ZNF212: variants seen among roughly 807,000 people sequenced by gnomAD.
ZNF212 encodes Zinc finger protein C2H2-150.
A neutral mutation model predicts 47.3 loss-of-function variants in ZNF212; 32 were observed. The observed-to-expected ratio is 0.68, with a 90% CI of 0.51 to 0.91. The LOEUF (loss-of-function observed/expected upper bound fraction) is 0.91, where lower values mean the gene tolerates loss of function less well. Ranked by LOEUF, ZNF212 falls within the 40% of genes least tolerant of loss-of-function variation. The pLI is 0.00. For synonymous variants in ZNF212, 242 were observed against 253.8 expected (o/e 0.95, Z 0.44); for missense variants, 555 against 622.8 (o/e 0.89, Z 1.16).
Position 149,239,814 on chromosome 7 carries a change from C to G in ZNF212, c.24+12C>G, listed in dbSNP as rs781463235. The G allele has an allele frequency of 7.9e-7, 1 of 1,273,480 alleles. No individual in the cohort carries two copies. Among genetic ancestry groups the G allele is most frequent in the East Asian group, 3.0e-5 (1 of 33,270 alleles). 78.9% of individuals were successfully genotyped at this position (1,273,480 alleles called of 1,614,324 possible). On this transcript the variant is annotated intron_variant, in intron 1 of 4. Coordinates refer to ENST00000335870, the MANE Select transcript of ZNF212 (RefSeq NM_012256.4). ...CGGCGCCTGCTCGGGTAAAGAGGCACCGGCGCGCTGGCTCGAGGGCGCGTT... is the reference window on the plus strand; with the variant it reads ...CGGCGCCTGCTCGGGTAAAGAGGCAGCGGCGCGCTGGCTCGAGGGCGCGTT...
At chr7:149,253,242 G>A (rs774122964) in intron 4 of ZNF212, among the ~76,000 whole-genome samples, 2 of 152,142 alleles carry the variant, frequency 1.3e-5, no homozygotes, top group Non-Finnish European at 2.9e-5. Flanking sequence ...ACTCTTAATT[G>A]AGTATAGTTG....
At position 149,253,598 on chromosome 7, in the gene ZNF212, A is replaced by G; in HGVS notation, c.671A>G (p.Gln224Arg). The G allele has an allele frequency of 6.2e-7, 1 of 1,613,662 alleles. No homozygotes were observed. Among genetic ancestry groups the G allele is most frequent in the Non-Finnish European group, 8.5e-7 (1 of 1,179,622 alleles). The change falls in exon 5 of 5, where the codon CAG becomes CGG. Residue 224 changes from glutamine to arginine, a missense_variant. Gln to Arg is a conservative substitution (Grantham distance 43, BLOSUM62 1). Coordinates refer to ENST00000335870, the MANE Select transcript of ZNF212 (RefSeq NM_012256.4). ...VMIKQELQYT[Q>R]EGPADLPGEF... The stretch of plus-strand genomic sequence containing the variant: ...ATCAAACAGGAGCTACAGTATACAC[A>G]GGAAGGCCCTGCGGATCTTCCTGGA...
Position 149,250,341 on chromosome 7 carries a change from G to A in ZNF212, c.207G>A (p.Thr69=), listed in dbSNP as rs773405375. 7 of 1,614,040 alleles carry A rather than the reference G, an allele frequency of 4.3e-6. No individual in the cohort carries two copies. Among genetic ancestry groups the A allele is most frequent in the East Asian group, 4.5e-5 (2 of 44,884 alleles). Residue 69 remains threonine (T), a synonymous_variant, in exon 2 of 5, where the codon ACG becomes ACA. Coordinates refer to ENST00000335870, the MANE Select transcript of ZNF212 (RefSeq NM_012256.4). Reference sequence around the variant, plus strand: ...GGCTACAGAGCCTGGAGGGGCGCACGGGGACAGCCGAGAAGAAGCTGGCTG... The same window carrying A: ...GGCTACAGAGCCTGGAGGGGCGCACAGGGACAGCCGAGAAGAAGCTGGCTG... The part of the protein sequence containing the change: ...AARLQSLEGR[T]GTAEKKLADC...
rs11976191 is a variant in ZNF212, at chr7:149,239,979, T to C, written c.24+177T>C. On this transcript the variant is annotated intron_variant, in intron 1 of 4. Coordinates refer to ENST00000335870, the MANE Select transcript of ZNF212 (RefSeq NM_012256.4). ...CCCCAGTGCTCTGCCCTTTTTTCCC[T>C]CCGCTTCCTTCTGCAGCGGGGTCGG... 8.2e-3 allele frequency: 5,805 copies of C among 707,742 alleles called. 278 individuals carry two copies. In the African/African-American group the frequency reaches 0.096, roughly 12 times the overall value. 43.8% of individuals were successfully genotyped at this position (707,742 alleles called of 1,614,324 possible).
chr7:149,239,929 T>A (rs1394893752), intron 1 of ZNF212, 127 bp downstream of exon 1: 11 of 1,111,908 alleles, frequency 9.9e-6, no homozygotes, highest in Non-Finnish European at 1.3e-5. Context: ...TTGGCGCGGG[T>A]GAACGCGGAC....
At chr7:149,240,483 C>G (rs1796573075) in intron 1 of ZNF212, among the ~76,000 whole-genome samples, 1 of 149,142 alleles carries the variant, frequency 6.7e-6, no homozygotes, top group Non-Finnish European at 1.5e-5. Flanking sequence ...TGTGGAGTCA[C>G]GAAGCTTTCA....
Position 149,254,402 on chromosome 7 carries a change from A to G in ZNF212, c.1475A>G (p.Asn492Ser), listed in dbSNP as rs144505296. 37 of 1,601,054 alleles carry G rather than the reference A, an allele frequency of 2.3e-5. No homozygotes were observed. The highest frequency in any genetic ancestry group is 4.0e-5 in the African/African-American group (3 of 74,934). ...GGLALEPGRP[N>S]GLL ...CTGGCCCTGGAGCCCGGAAGGCCCA[A>G]TGGCCTGCTTTAAGGGTGCAGCCCC... The change falls in exon 5 of 5, where the codon AAT becomes AGT. Residue 492 changes from asparagine (N) to serine (S), a missense_variant. Asn to Ser is a conservative substitution (Grantham distance 46, BLOSUM62 1). Coordinates refer to ENST00000335870, the MANE Select transcript of ZNF212 (RefSeq NM_012256.4). The surrounding 1 kb of genome is among the most constrained non-coding windows in gnomAD (Gnocchi z 4.5).
intron 1 of ZNF212, among the ~76,000 whole-genome samples, chr7:149,247,384 G>T (rs181724198): frequency 2.4e-4 from 37 of 152,252 alleles, no homozygotes; most frequent in Admixed American, 1.6e-3. Context: ...GGGATTATAG[G>T]TATGAGCCAC....
At position 149,253,874 on chromosome 7, in the gene ZNF212, A is replaced by G. The variant is rs367930564; in HGVS notation, c.947A>G (p.Tyr316Cys). The change falls in exon 5 of 5, where the codon TAC becomes TGC. Residue 316 changes from tyrosine (Y) to cysteine (C), a missense_variant. Coordinates refer to ENST00000335870, the MANE Select transcript of ZNF212 (RefSeq NM_012256.4). ...LKLKKDTSRP[Y>C]ECSECEITFR... ...CTGAAAAAGGACACTTCCCGCCCCT[A>G]CGAATGTTCTGAGTGTGAGATCACC... 643 of 1,614,058 alleles carry G rather than the reference A, an allele frequency of 4.0e-4. 3 individuals carry two copies. Among genetic ancestry groups the G allele is most frequent in the South Asian group, 2.4e-3 (217 of 91,084 alleles).
At chr7:149,253,499 C>T in intron 4 of ZNF212, 60 bp from the exon 5 acceptor site, 1 of 1,533,052 alleles carries the variant, frequency 6.5e-7, no homozygotes, top group Admixed American at 2.0e-5. Flanking sequence ...TTGTTTGGTC[C>T]TGAAGAAACC....
At position 149,250,390 on chromosome 7, in the gene ZNF212, T is replaced by G; in HGVS notation, c.256T>G (p.Phe86Val). 1 of 1,613,150 alleles carries G rather than the reference T, an allele frequency of 6.2e-7. No individual in the cohort carries two copies. Residue 86 changes from phenylalanine (F) to valine (V), a missense_variant, in exon 2 of 5, where the codon TTC becomes GTC. Coordinates refer to ENST00000335870, the MANE Select transcript of ZNF212 (RefSeq NM_012256.4). ...TGACTGCGAGAAGATGGCCGTGGAG[T>G]TCGGGAACCAGCTGGAGGGCAAGTG... ...LADCEKMAVE[F>V]GNQLEGKWAV...
chr7:149,250,012 T>A, intron 1 of ZNF212, 147 bp from the exon 2 acceptor site: 1 of 661,776 alleles, frequency 1.5e-6, no homozygotes, highest in Non-Finnish European at 2.2e-6. Context: ...TAATACAATA[T>A]CTATGTATAA....
At chr7:149,240,391 C>G (rs1022468341) in intron 1 of ZNF212, among the ~76,000 whole-genome samples, 1 of 150,586 alleles carries the variant, frequency 6.6e-6, no homozygotes, top group Non-Finnish European at 1.5e-5. Context: ...CACCCCCCCC[C>G]CAACACCCCC....
chr7:149,250,903 C>CT, intron 3 of ZNF212, 96 bp downstream of exon 3: 1 of 1,537,982 alleles, frequency 6.5e-7, no homozygotes. Context: ...GCTCCTGTGG[C>CT]TGTGGGTCCT....
intron 1 of ZNF212, among the ~76,000 whole-genome samples, chr7:149,247,371 G>A (rs1007250175): frequency 1.3e-5 from 2 of 152,134 alleles, no homozygotes; most frequent in African/African-American, 4.8e-5. Flanking sequence ...CTCCCAAAGT[G>A]TTGGGATTAT....
At chr7:149,248,093 C>T (rs1265045381) in intron 1 of ZNF212, among the ~76,000 whole-genome samples, 1 of 152,198 alleles carries the variant, frequency 6.6e-6, no homozygotes, top group East Asian at 1.9e-4. Context: ...ACAGCTCACC[C>T]CTGTGGGAGC....
chr7:149,249,038 T>A (rs1796716319), intron 1 of ZNF212, among the ~76,000 whole-genome samples: 2 of 152,288 alleles, frequency 1.3e-5, no homozygotes, highest in South Asian at 4.1e-4. Context: ...TGTGCTTTAT[T>A]CAAATAAAGT....
At chr7:149,242,876 T>C (rs1014200211) in intron 1 of ZNF212, among the ~76,000 whole-genome samples, 6 of 152,070 alleles carry the variant, frequency 3.9e-5, no homozygotes, top group Non-Finnish European at 8.8e-5. Context: ...CAACTCGAAA[T>C]TGGTCGTATA....
chr7:149,241,339 G>A (rs866494074), intron 1 of ZNF212, among the ~76,000 whole-genome samples: 2 of 146,990 alleles, frequency 1.4e-5, no homozygotes, highest in Non-Finnish European at 3.0e-5. Context: ...GGCTGAGGCA[G>A]AATAATCGCT....
Sources: gnomAD v4.1 joint callset for allele counts (sites outside exome capture counted in the v4.1 genomes callset) on GRCh38, gnomAD v4.1.1 for gene constraint, Gnocchi (gnomAD v3.1) non-coding constraint, MANE v1.5 for transcripts, NCBI Gene and HGNC (gene_info 2026-07-23, HGNC 2026-07-21) for gene names.